The following CPEB3 variants were observed in gnomAD, a reference collection of about 807,000 sequenced individuals.
The protein encoded by CPEB3 is cytoplasmic polyadenylation element binding protein 3, also known as cytoplasmic polyadenylation element-binding protein 3.
In CPEB3, 20 loss-of-function variants were observed where a neutral mutation model predicts 67.2. The observed-to-expected ratio is 0.30, with a 90% CI of 0.21 to 0.43. The LOEUF (loss-of-function observed/expected upper bound fraction) is 0.43, where lower values mean the gene tolerates loss of function less well. Ranked by LOEUF, CPEB3 falls within the 20% of genes least tolerant of loss-of-function variation. The pLI, the probability that CPEB3 is intolerant of heterozygous loss-of-function variation, is 1.00. For missense variants in CPEB3, 746 were observed against 968.6 expected, an observed-to-expected ratio of 0.77 and a Z score of 3.05; for synonymous variants, 376 against 393.1, an observed-to-expected ratio of 0.96 and a Z score of 0.51.
intron 6 of CPEB3, among the ~76,000 whole-genome samples, chr10:92,120,602 A>C (rs1845316542): frequency 6.6e-6 from 1 of 152,108 alleles, no homozygotes; most frequent in South Asian, 2.1e-4. Context: ...AAAAACAAAA[A>C]ACAAAAGAAA....
At position 92,051,065 on chromosome 10, in the gene CPEB3, A is replaced by G. The variant is rs920706031; in HGVS notation, c.*1147T>C. ...ATAACAGAGCACCGCAAAGTACTTC[A>G]TCTACCATCCACAAATTTGCTTGAA... On this transcript the variant is annotated 3_prime_UTR_variant, in exon 10 of 10. Coordinates refer to ENST00000265997, the MANE Select transcript of CPEB3 (RefSeq NM_014912.5). 2 of 152,618 alleles carry G rather than the reference A, an allele frequency of 1.3e-5. No homozygotes were observed. Among genetic ancestry groups the G allele is most frequent in the Admixed American group, 1.3e-4 (2 of 15,280 alleles). The allele number at this position is 152,618 out of a possible 1,614,324, so 9.5% of individuals were successfully genotyped here.
intron 1 of CPEB3, among the ~76,000 whole-genome samples, chr10:92,264,192 G>A (rs1852937222): frequency 1.3e-5 from 2 of 152,066 alleles, no homozygotes; most frequent in African/African-American, 4.8e-5. Flanking sequence ...GCTGGGCATG[G>A]TGGTGCATGC....
At chr10:92,196,761 C>A (rs1045128054) in intron 2 of CPEB3, among the ~76,000 whole-genome samples, 2 of 142,908 alleles carry the variant, frequency 1.4e-5, no homozygotes, top group South Asian at 2.1e-4. Flanking sequence ...AGCAAGACTC[C>A]GTCTCAAAAA....
intron 4 of CPEB3, among the ~76,000 whole-genome samples, chr10:92,177,707 G>C (rs573612014): frequency 1.3e-5 from 2 of 152,248 alleles, no homozygotes; most frequent in East Asian, 3.9e-4. Flanking sequence ...CTTGGAGGAA[G>C]GTATAACTGG....
intron 2 of CPEB3, among the ~76,000 whole-genome samples, chr10:92,226,888 A>G (rs914226875): frequency 1.9e-4 from 28 of 149,338 alleles, no homozygotes; most frequent in African/African-American, 6.9e-4. Context: ...TGGAGGGAAC[A>G]GGGAGGGGGG....
At chr10:92,141,117 C>G (rs1407861351) in intron 6 of CPEB3, among the ~76,000 whole-genome samples, 1 of 94,860 alleles carries the variant, frequency 1.1e-5, no homozygotes, top group African/African-American at 4.2e-5. Context: ...TTGACCCAGC[C>G]ATCCCATTAC....
At chr10:92,243,341 G>A (rs904425966) in intron 1 of CPEB3, 1 of 152,158 alleles carries the variant, frequency 6.6e-6, no homozygotes, top group Non-Finnish European at 1.5e-5. Context: ...CAAGGTACTC[G>A]ATCTGACTTC....
intron 1 of CPEB3, among the ~76,000 whole-genome samples, chr10:92,253,632 A>C (rs1344464096): frequency 6.6e-6 from 1 of 151,950 alleles, no homozygotes; most frequent in African/African-American, 2.4e-5. Context: ...AGTCCCAGCT[A>C]CTTGAGAGGC....
At chr10:92,282,790 C>T (rs778559419) in intron 1 of CPEB3, among the ~76,000 whole-genome samples, 21 of 152,320 alleles carry the variant, frequency 1.4e-4, no homozygotes, top group Middle Eastern at 3.4e-3. Flanking sequence ...GCAACAGGGA[C>T]ATTATCTACT....
intron 5 of CPEB3, among the ~76,000 whole-genome samples, chr10:92,143,584 T>G (rs1172836822): frequency 6.6e-6 from 1 of 152,214 alleles, no homozygotes; most frequent in African/African-American, 2.4e-5. Context: ...TAGGTAATTC[T>G]ATTGGGTGAT....
At chr10:92,143,206 T>TA in intron 5 of CPEB3, 88 bp from the exon 6 acceptor site, 3 of 991,012 alleles carry the variant, frequency 3.0e-6, no homozygotes, top group Non-Finnish European at 3.0e-6. Context: ...CTTTTTAGTT[T>TA]AAAAAAATGT....
chr10:92,090,916 T>C (rs957387306), intron 8 of CPEB3, among the ~76,000 whole-genome samples: 1 of 152,220 alleles, frequency 6.6e-6, no homozygotes, highest in African/African-American at 2.4e-5. Context: ...AGAACAAATA[T>C]GTTTAAAAGT....
At chr10:92,276,304 G>A (rs1202377361) in intron 1 of CPEB3, among the ~76,000 whole-genome samples, 6 of 122,778 alleles carry the variant, frequency 4.9e-5, no homozygotes, top group African/African-American at 2.0e-4. Context: ...TTGAGATGGA[G>A]TTTTGCTCTT....
At chr10:92,244,684 G>A (rs890022216) in intron 1 of CPEB3, among the ~76,000 whole-genome samples, 3 of 152,060 alleles carry the variant, frequency 2.0e-5, no homozygotes, top group Admixed American at 1.3e-4. Flanking sequence ...TGATCCGCCC[G>A]CCTCTGCCTC....
intron 3 of CPEB3, among the ~76,000 whole-genome samples, chr10:92,183,684 T>A (rs1021471823): frequency 2.0e-5 from 3 of 152,144 alleles, no homozygotes; most frequent in African/African-American, 7.2e-5. Context: ...TCACTGCCCA[T>A]CAGAACTTAA....
intron 6 of CPEB3, among the ~76,000 whole-genome samples, chr10:92,127,575 A>G (rs1329652388): frequency 6.6e-6 from 1 of 152,194 alleles, no homozygotes; most frequent in East Asian, 1.9e-4. Context: ...GCTACTTGGG[A>G]GGCTGAGGCA....
chr10:92,183,843 G>A (rs1848568408), intron 3 of CPEB3, among the ~76,000 whole-genome samples: 1 of 152,144 alleles, frequency 6.6e-6, no homozygotes, highest in Non-Finnish European at 1.5e-5. Flanking sequence ...CCCAAATTTA[G>A]CTGATCCTTA....
chr10:92,144,839 C>CT, intron 5 of CPEB3, 106 bp downstream of exon 5: 2 of 925,116 alleles, frequency 2.2e-6, no homozygotes, highest in Non-Finnish European at 3.4e-6. Context: ...ACCTCCTATG[C>CT]ACTAAGATAT....
intron 6 of CPEB3, among the ~76,000 whole-genome samples, chr10:92,138,947 C>T (rs1349650674): frequency 6.6e-6 from 1 of 152,142 alleles, no homozygotes; most frequent in African/African-American, 2.4e-5. Context: ...TTGGAAACAA[C>T]CTTTATCCAT....
Sources: gnomAD v4.1 joint callset for allele counts (sites outside exome capture counted in the v4.1 genomes callset) on GRCh38, gnomAD v4.1.1 for gene constraint, MANE v1.5 for transcripts, NCBI Gene and HGNC (gene_info 2026-07-23, HGNC 2026-07-21) for gene names.